Variants in PGLYRP3 observed in about 807,000 individuals in gnomAD.
PGLYRP3 encodes peptidoglycan recognition protein 3.
A neutral mutation model predicts 36.0 loss-of-function variants in PGLYRP3; 39 were observed. That is an observed-to-expected ratio of 1.08 (90% CI 0.84 to 1.41). PGLYRP3 has a LOEUF of 1.41. Ranked by LOEUF, PGLYRP3 falls within the 40% of genes most tolerant of loss-of-function variation. The pLI, the probability that PGLYRP3 is intolerant of heterozygous loss-of-function variation, is 0.00. For missense variants in PGLYRP3, 407 were observed against 427.9 expected (o/e 0.95, Z 0.43); for synonymous variants, 204 against 172.8 (o/e 1.18, Z -1.42).
chr1:153,312,116 TCAGTATGGCAAATCC>T (rs1659909092), intron 1 of PGLYRP3, among the ~76,000 whole-genome samples: 1 of 152,172 alleles, frequency 6.6e-6, no homozygotes, highest in Non-Finnish European at 1.5e-5. Context: ...CCATGAAACG[TCAGTATGGCAAATCC>T]TGCCCCAAGC....
chr1:153,307,173 G>A lies in PGLYRP3; in HGVS notation c.150C>T (p.Asp50=), dbSNP rs1659762008. 3 of 1,612,180 alleles carry A rather than the reference G, an allele frequency of 1.9e-6. No individual in the cohort carries two copies. Among genetic ancestry groups the A allele is most frequent in the Non-Finnish European group, 1.7e-6 (2 of 1,179,234 alleles). The change falls in exon 3 of 8, where the codon GAC becomes GAT. Residue 50 remains aspartate, a synonymous_variant. Transcript: ENST00000683862. ...GCTGGCACTGCATCCCTGGGAGCTG[G>A]TCTGTGATGATGTAGGCCACAGGCA... ...LTLPVAYIIT[D]QLPGMQCQQQ...
intron 6 of PGLYRP3, among the ~76,000 whole-genome samples, chr1:153,301,967 C>T (rs1251650930): frequency 2.0e-5 from 3 of 152,114 alleles, no homozygotes; most frequent in African/African-American, 7.2e-5. Context: ...GTTAAAAGTT[C>T]CTACATCTAT....
chr1:153,302,528 A>T lies in PGLYRP3; in HGVS notation c.609T>A (p.Tyr203Ter). 4.3e-6 allele frequency: 7 copies of T among 1,614,212 alleles called. No homozygotes were observed. The highest frequency in any genetic ancestry group is 5.9e-6 in the Non-Finnish European group (7 of 1,180,028). ...TGCCAGCGGTGTGGATGATGATGAC[A>T]TATTTGGCTGGGAGGTTCATTTTAG... ...HCPKMNLPAK[Y>*]VIIIHTAGTS... Residue 203 changes from tyrosine (Y) to a stop codon, truncating the protein, a stop_gained, in exon 6 of 8, where the codon TAT (tyrosine) becomes TAA (stop). Coordinates refer to ENST00000683862, the MANE Select transcript of PGLYRP3 (RefSeq NM_052891.3). LOFTEE classifies it high-confidence loss of function.
intron 2 of PGLYRP3, among the ~76,000 whole-genome samples, chr1:153,308,335 CT>C (rs1365902621): frequency 2.0e-5 from 3 of 152,134 alleles, no homozygotes; most frequent in Non-Finnish European, 4.4e-5. Context: ...TTTTTCTCTC[CT>C]TAGGCTGAGG....
At chr1:153,312,048 G>A (rs912648132) in intron 1 of PGLYRP3, among the ~76,000 whole-genome samples, 33 of 152,194 alleles carry the variant, frequency 2.2e-4, no homozygotes, top group African/African-American at 7.2e-4. Flanking sequence ...CAAAGCTACT[G>A]GAAGCCACTA....
At position 153,298,039 on chromosome 1, in the gene PGLYRP3, C is replaced by T; in HGVS notation, c.943G>A (p.Gly315Ser). Residue 315 changes from glycine to serine, a missense_variant, in exon 8 of 8, where the codon GGC (glycine) becomes AGC (serine). By Grantham distance (56) the Gly-to-Ser change is moderately conservative. Coordinates refer to ENST00000683862, the MANE Select transcript of PGLYRP3 (RefSeq NM_052891.3). ...GYLTPNYLLM[G>S]HSDVVNILSP... ...AGGATGTTGACCACGTCACTGTGGC[C>T]CATCAGCAGGTAGTTTGGAGTCAGG... The T allele has an allele frequency of 1.2e-6, 2 of 1,613,978 alleles. No homozygotes were observed. Among genetic ancestry groups the T allele is most frequent in the Non-Finnish European group, 1.7e-6 (2 of 1,179,988 alleles).
chr1:153,298,283 A>C lies in PGLYRP3; in HGVS notation c.848-149T>G, dbSNP rs938993317. On this transcript the variant is annotated intron_variant, in intron 7 of 7. Transcript: ENST00000683862. ...CCAACACATTTACGTAAATTGTGGC[A>C]ATCAGGCACAAAAAGAAAACAAGGT... 3.5e-6 allele frequency: 3 copies of C among 868,042 alleles called. No homozygotes were observed. The African/African-American group carries it at 5.1e-5, about 15-fold the overall frequency. 53.8% of individuals were successfully genotyped at this position (868,042 alleles called of 1,614,324 possible).
Position 153,299,167 on chromosome 1 carries a change from T to C in PGLYRP3, c.793A>G (p.Thr265Ala), listed in dbSNP as rs1372148228. Reference sequence around the variant, plus strand: ...AGGGCAATATCGTTGAATCCATAAGTGTGAGAGCCTTGGATGTGCCATCCA... The same window carrying C: ...AGGGCAATATCGTTGAATCCATAAGCGTGAGAGCCTTGGATGTGCCATCCA... ...GVGWHIQGSHTYGFNDIALGI... is the reference protein window; with the variant it reads ...GVGWHIQGSHAYGFNDIALGI... Residue 265 changes from threonine (T) to alanine (A), a missense_variant, in exon 7 of 8, where the codon ACT becomes GCT. Physicochemically the swap from Thr to Ala is moderately conservative, Grantham distance 58 (BLOSUM62 0). Coordinates refer to ENST00000683862, the MANE Select transcript of PGLYRP3 (RefSeq NM_052891.3). 1 of 1,613,930 alleles carries C rather than the reference T, an allele frequency of 6.2e-7. No homozygotes were observed. Among genetic ancestry groups the C allele is most frequent in the Non-Finnish European group, 8.5e-7 (1 of 1,180,016 alleles).
intron 2 of PGLYRP3, among the ~76,000 whole-genome samples, chr1:153,309,956 T>C (rs1659854704): frequency 6.6e-6 from 1 of 152,198 alleles, no homozygotes; most frequent in South Asian, 2.1e-4. Context: ...ATTTGCTGTC[T>C]GAGTAGCAGA....
intron 7 of PGLYRP3, among the ~76,000 whole-genome samples, chr1:153,298,722 C>G (rs1466417986): frequency 6.6e-6 from 1 of 152,158 alleles, no homozygotes; most frequent in African/African-American, 2.4e-5. Flanking sequence ...AGGTATAAAG[C>G]AGATACAGCA....
At chr1:153,299,659 C>A (rs1659537857) in intron 6 of PGLYRP3, among the ~76,000 whole-genome samples, 1 of 152,196 alleles carries the variant, frequency 6.6e-6, no homozygotes, top group South Asian at 2.1e-4. Context: ...ACATGGTGCT[C>A]CTCCGCACTC....
rs139307348 is a variant in PGLYRP3 at position 153,297,577 on chromosome 1, GAAAGAAGA to G, written c.*371_*378del. On this transcript the variant is annotated 3_prime_UTR_variant, in exon 8 of 8. Transcript: ENST00000683862. ...AAAGAAAGAAAAAGAAAGAAAGAAA[GAAAGAAGA>G]AAGAAAGAAAGAAAGAAAGAGAAAG... Among the ~76,000 whole-genome samples the G allele has an allele frequency of 0.43, 53,080 of 124,364 alleles. 14,502 individuals are homozygous for G. Among genetic ancestry groups the G allele is most frequent in the Non-Finnish European group, 0.5 (28,440 of 57,266 alleles). The allele number at this position is 124,364 out of a possible 152,430, so 81.6% of individuals were successfully genotyped here. A position where few individuals can be genotyped will look rare whatever the true frequency, so the allele number is the denominator to read the frequency against.
intron 7 of PGLYRP3, 100 bp from the exon 8 acceptor site, chr1:153,298,234 C>T (rs75100894): frequency 7.0e-5 from 89 of 1,268,550 alleles, no homozygotes; most frequent in South Asian, 3.8e-4. Flanking sequence ...TCCTCCACCA[C>T]GCCCCATTCC....
At chr1:153,310,844 G>A (rs1659878062) in intron 1 of PGLYRP3, 138 bp from the exon 2 acceptor site, 2 of 597,690 alleles carry the variant, frequency 3.3e-6, no homozygotes, top group South Asian at 2.1e-5. Context: ...GGCTTCTCGG[G>A]GCCCCTTAAA....
At chr1:153,302,670 C>G in intron 5 of PGLYRP3, 63 bp from the exon 6 acceptor site, 2 of 1,494,866 alleles carry the variant, frequency 1.3e-6, no homozygotes, top group African/African-American at 1.4e-5. Context: ...AGCAATCACT[C>G]AACTCCAGGC....
intron 6 of PGLYRP3, among the ~76,000 whole-genome samples, chr1:153,302,102 C>T (rs946914725): frequency 1.3e-5 from 2 of 152,220 alleles, no homozygotes; most frequent in African/African-American, 4.8e-5. Flanking sequence ...GAAGGGATTG[C>T]ATTAAAAAGG....
At chr1:153,299,272 A>C (rs753318553) in intron 6 of PGLYRP3, 41 bp from the exon 7 acceptor site, 14 of 1,444,996 alleles carry the variant, frequency 9.7e-6, no homozygotes, top group Non-Finnish European at 1.4e-5. Context: ...CACTCTGGGA[A>C]ACAGAATTTA....
chr1:153,303,743 G>A, intron 5 of PGLYRP3, 114 bp downstream of exon 5: 3 of 1,255,794 alleles, frequency 2.4e-6, no homozygotes, highest in Non-Finnish European at 3.3e-6. Context: ...GGCATGAGAT[G>A]TTCTTAGTCC....
In PGLYRP3 at chr1:153,297,550, G is replaced by GAA. The variant is rs1557805321; in HGVS notation, c.*405_*406insTT. Among the ~76,000 whole-genome samples, 9 of 91,020 alleles carry GAA rather than the reference G, an allele frequency of 9.9e-5. No homozygotes were observed. Among genetic ancestry groups the GAA allele is most frequent in the African/African-American group, 3.5e-4 (8 of 22,992 alleles). The allele number at this position is 91,020 out of a possible 152,430, so 59.7% of individuals were successfully genotyped here. A position where few individuals can be genotyped will look rare whatever the true frequency, so the allele number is the denominator to read the frequency against. On this transcript the variant is annotated 3_prime_UTR_variant, in exon 8 of 8. Transcript: ENST00000683862. ...AGGAAGGAAGGAAGGAAGGAAGGAAGGAAAGAAAGAAAAAGAAAGAAAGAA... is the reference window on the plus strand; with the variant it reads ...AGGAAGGAAGGAAGGAAGGAAGGAAGAAGAAAGAAAGAAAAAGAAAGAAAGAA...
Sources: allele counts gnomAD v4.1 joint callset (sites outside exome capture counted in the v4.1 genomes callset), GRCh38; gene constraint gnomAD v4.1.1; transcripts MANE v1.5; gene names NCBI Gene and HGNC (gene_info 2026-07-23, HGNC 2026-07-21).